FHAD1: variants seen among roughly 807,000 people sequenced by gnomAD.
FHAD1 encodes forkhead-associated domain-containing protein 1.
FHAD1 carries 146 observed loss-of-function variants against 191.3 expected under a neutral mutation model. That is an observed-to-expected ratio of 0.76 (90% CI 0.67 to 0.88). The LOEUF is 0.88. FHAD1 is among the 40% of genes least tolerant of loss of function. FHAD1 has a pLI of 0.00. For missense variants in FHAD1, 1,635 were observed against 1,785.8 expected (o/e 0.92, Z 1.52); for synonymous variants, 616 against 672.3 (o/e 0.92, Z 1.29).
chr1:15,302,197 A>G (rs77350525), intron 6 of FHAD1, among the ~76,000 whole-genome samples: 1 of 152,060 alleles, frequency 6.6e-6, no homozygotes, highest in Admixed American at 6.6e-5. Flanking sequence ...ACCGCGTCTC[A>G]CCCAAATCCA....
intron 31 of FHAD1, chr1:15,383,858 G>A: frequency 4.5e-6 from 2 of 447,022 alleles, no homozygotes; most frequent in South Asian, 1.6e-5. Context: ...GCACACAGCG[G>A]CTGGTAAGGA....
rs16851552 is a variant in FHAD1, at chr1:15,284,697, C to T, written c.301-4702C>T. Among the ~76,000 whole-genome samples, 916 of 152,120 alleles carry T rather than the reference C, an allele frequency of 6.0e-3. 35 individuals are homozygous for T. In the East Asian group the frequency reaches 0.085, roughly 14 times the overall value. The stretch of plus-strand genomic sequence containing the variant: ...GATGTTAGCGTAATAACACAAGAAA[C>T]AAGGAGATCATCCGGAAACAATGGA... On this transcript the variant is annotated intron_variant, in intron 3 of 33. Transcript: ENST00000688493.
At position 15,324,418 on chromosome 1, in the gene FHAD1, T is replaced by C. The variant is rs915937002; in HGVS notation, c.1366-34T>C. ...TCCCCAGAGTGCATTATGATCACAT[T>C]AGCAGCAAGTACTCGCTTTCATCGT... is the stretch of plus-strand genomic sequence containing the variant. On this transcript the variant is annotated intron_variant, in intron 10 of 33. Coordinates refer to ENST00000688493, the MANE Select transcript of FHAD1 (RefSeq NM_001391957.1). 3.4e-6 allele frequency: 5 copies of C among 1,472,826 alleles called. No homozygotes were observed. The Admixed American group carries it at 7.9e-5, about 23-fold the overall frequency. 91.2% of individuals were successfully genotyped at this position (1,472,826 alleles called of 1,614,324 possible).
chr1:15,372,960 G>A (rs988858829), intron 26 of FHAD1, among the ~76,000 whole-genome samples: 1 of 152,190 alleles, frequency 6.6e-6, no homozygotes, highest in African/African-American at 2.4e-5. Flanking sequence ...CAGGGATGTT[G>A]CTGGGTTTAG....
chr1:15,339,401 C>A, intron 14 of FHAD1, 80 bp from the exon 15 acceptor site: 1 of 575,648 alleles, frequency 1.7e-6, no homozygotes, highest in Non-Finnish European at 2.8e-6. Flanking sequence ...GATGGGATGG[C>A]AACGTTGCTT....
intron 26 of FHAD1, among the ~76,000 whole-genome samples, chr1:15,370,039 A>G (rs1286167680): frequency 6.6e-6 from 1 of 152,194 alleles, no homozygotes; most frequent in East Asian, 1.9e-4. Flanking sequence ...TAGTGGTGCA[A>G]TCACAACTTC....
intron 4 of FHAD1, among the ~76,000 whole-genome samples, chr1:15,291,104 A>G (rs564096941): frequency 8.9e-4 from 128 of 143,370 alleles, no homozygotes; most frequent in African/African-American, 3.0e-3. Context: ...ACATTTTACT[A>G]TACTCTTTTT....
At chr1:15,397,164 C>G (rs550940791) in intron 33 of FHAD1, 133 bp from the exon 34 acceptor site, 1 of 423,146 alleles carries the variant, frequency 2.4e-6, no homozygotes, top group South Asian at 4.8e-5. Context: ...GCACTCCAGC[C>G]TGGGCGATAG....
chr1:15,352,423 G>T (rs1570039512), intron 19 of FHAD1, among the ~76,000 whole-genome samples: 1 of 152,132 alleles, frequency 6.6e-6, no homozygotes, highest in African/African-American at 2.4e-5. Context: ...GGAAGTGGCT[G>T]CCTGGGTCCT....
intron 10 of FHAD1, among the ~76,000 whole-genome samples, chr1:15,323,111 G>A (rs770715814): frequency 1.3e-4 from 20 of 152,156 alleles, no homozygotes; most frequent in Non-Finnish European, 2.6e-4. Context: ...CCTGGGTCCC[G>A]CCCACAACAC....
chr1:15,269,866 T>C (rs943197390), intron 2 of FHAD1, among the ~76,000 whole-genome samples: 1 of 152,156 alleles, frequency 6.6e-6, no homozygotes, highest in Non-Finnish European at 1.5e-5. Context: ...ACATCAAGCA[T>C]TGTTATGTCT....
At chr1:15,268,987 A>G (rs1485410857) in intron 2 of FHAD1, among the ~76,000 whole-genome samples, 3 of 152,104 alleles carry the variant, frequency 2.0e-5, no homozygotes, top group Non-Finnish European at 4.4e-5. Flanking sequence ...TAAATATTCC[A>G]TAATAAATAT....
At chr1:15,356,638 G>A (rs1053928459) in intron 20 of FHAD1, among the ~76,000 whole-genome samples, 4 of 152,166 alleles carry the variant, frequency 2.6e-5, no homozygotes, top group Non-Finnish European at 4.4e-5. Context: ...TTGGGAGGTC[G>A]AGGTGGGAAG....
intron 2 of FHAD1, among the ~76,000 whole-genome samples, chr1:15,270,227 C>A (rs1367131721): frequency 6.6e-6 from 1 of 152,066 alleles, no homozygotes; most frequent in Non-Finnish European, 1.5e-5. Context: ...TTCTCTTTAT[C>A]CCCAGTTTTT....
upstream of FHAD1, among the ~76,000 whole-genome samples, chr1:15,244,557 A>G (rs1198038910): frequency 6.6e-6 from 1 of 152,122 alleles, no homozygotes; most frequent in Non-Finnish European, 1.5e-5. This position sits in a 1 kb window ranked among gnomAD's most constrained non-coding sequence, Gnocchi z 5.1. Flanking sequence ...GCAGGGGACT[A>G]GAGAAGCCGA....
intron 2 of FHAD1, among the ~76,000 whole-genome samples, chr1:15,257,921 G>A (rs768561956): frequency 5.3e-5 from 8 of 151,960 alleles, no homozygotes; most frequent in Non-Finnish European, 7.4e-5. Context: ...GGCTCACTGC[G>A]GCCTCTGCCT....
At chr1:15,237,223 A>G (rs948516117) in intron 1 of FHAD1, among the ~76,000 whole-genome samples, 3 of 152,170 alleles carry the variant, frequency 2.0e-5, no homozygotes, top group African/African-American at 7.2e-5. Context: ...ATCCTCCATC[A>G]ACTAGTTGAA....
At chr1:15,347,629 A>G (rs1689377246) in intron 18 of FHAD1, among the ~76,000 whole-genome samples, 1 of 152,076 alleles carries the variant, frequency 6.6e-6, no homozygotes, top group Non-Finnish European at 1.5e-5. Flanking sequence ...TTGTATTTCT[A>G]GTACAGACGG....
chr1:15,331,125 T>G (rs1443068188), intron 14 of FHAD1, among the ~76,000 whole-genome samples: 1 of 152,048 alleles, frequency 6.6e-6, no homozygotes, highest in African/African-American at 2.4e-5. Context: ...TGTGATTTCT[T>G]TGCTAAAACT....
Sources: gnomAD v4.1 joint callset for allele counts (sites outside exome capture counted in the v4.1 genomes callset) on GRCh38, gnomAD v4.1.1 for gene constraint, Gnocchi (gnomAD v3.1) non-coding constraint, MANE v1.5 for transcripts, NCBI Gene and HGNC (gene_info 2026-07-23, HGNC 2026-07-21) for gene names.